Variants in PDILT observed in about 807,000 individuals in gnomAD.
The protein encoded by PDILT is protein disulfide-isomerase-like protein of the testis.
PDILT carries 43 observed loss-of-function variants against 53.7 expected under a neutral mutation model. The ratio of observed to expected loss-of-function variants is 0.80; its 90% confidence interval spans 0.63 to 1.03. PDILT has a LOEUF of 1.03. Ranked by LOEUF, PDILT falls within the 50% of genes least tolerant of loss-of-function variation. The pLI is 0.00. For missense variants in PDILT, 727 were observed against 712.3 expected (o/e 1.02, Z -0.24); for synonymous variants, 282 against 274.2 (o/e 1.03, Z -0.28).
chr16:20,385,942 C>G (rs550313792), intron 2 of PDILT: 3 of 152,184 alleles, frequency 2.0e-5, no homozygotes, highest in African/African-American at 7.2e-5. Context: ...TCTGGTGGAA[C>G]GTCCTGGAGC....
rs558417674 is a variant in PDILT at position 20,365,425 on chromosome 16, A to T, written c.1232T>A (p.Met411Lys). The T allele has an allele frequency of 5.0e-6, 8 of 1,614,002 alleles. No individual in the cohort carries two copies. Among genetic ancestry groups the T allele is most frequent in the African/African-American group, 2.7e-5 (2 of 75,058 alleles). Residue 411 changes from methionine to lysine, a missense_variant, in exon 9 of 12, where the codon ATG (methionine) becomes AAG (lysine). Met to Lys is a moderately conservative substitution (Grantham distance 95, BLOSUM62 -1). Transcript: ENST00000302451. ...CCCCTCTTGGAGATACTTACAGAACATCACAAATACGTCCTTTTCTTTGTC... is the reference window on the plus strand; with the variant it reads ...CCCCTCTTGGAGATACTTACAGAACTTCACAAATACGTCCTTTTCTTTGTC... ...VFDKEKDVFV[M>K]FYAPWSKKCK...
At chr16:20,362,872 G>C (rs1178948174) in intron 9 of PDILT, among the ~76,000 whole-genome samples, 2 of 151,940 alleles carry the variant, frequency 1.3e-5, no homozygotes, top group African/African-American at 4.8e-5. Context: ...AGGAGTTCGA[G>C]ATCAGCCTGA....
chr16:20,366,793 T>G (rs1467641134), intron 8 of PDILT, among the ~76,000 whole-genome samples: 2 of 152,126 alleles, frequency 1.3e-5, no homozygotes, highest in Admixed American at 1.3e-4. Context: ...AGCCTCCATC[T>G]CTCATCTTGA....
chr16:20,401,752 G>A (rs1043659507), intron 1 of PDILT, among the ~76,000 whole-genome samples: 3 of 152,224 alleles, frequency 2.0e-5, no homozygotes, highest in Non-Finnish European at 2.9e-5. Context: ...CTCAGCCACC[G>A]TGGAGGGCTG....
intron 2 of PDILT, among the ~76,000 whole-genome samples, chr16:20,387,769 C>T (rs1354136384): frequency 6.6e-6 from 1 of 152,014 alleles, no homozygotes; most frequent in Non-Finnish European, 1.5e-5. Context: ...TACAGGCATG[C>T]ACCACCAGGC....
chr16:20,376,301 C>T, intron 3 of PDILT, 100 bp from the exon 4 acceptor site: 2 of 1,433,060 alleles, frequency 1.4e-6, no homozygotes, highest in East Asian at 4.9e-5. Context: ...ACCTTCTTGT[C>T]TCAGGCTCCC....
chr16:20,362,626 C>A, intron 9 of PDILT, 44 bp from the exon 10 acceptor site: 1 of 1,600,560 alleles, frequency 6.2e-7, no homozygotes. Context: ...TGATGAAGAT[C>A]CAGAAAGCTG....
chr16:20,382,909 G>A (rs1966480753), intron 3 of PDILT, among the ~76,000 whole-genome samples: 1 of 152,218 alleles, frequency 6.6e-6, no homozygotes, highest in Non-Finnish European at 1.5e-5. Flanking sequence ...CACTGCCCTT[G>A]TGATGCTCTC....
intron 2 of PDILT, among the ~76,000 whole-genome samples, chr16:20,395,440 T>C (rs28649132): frequency 0.15 from 23,082 of 152,178 alleles, 2,246 homozygotes; most frequent in African/African-American, 0.27. Flanking sequence ...GCAAGAAGCA[T>C]AGCAGCCATC....
chr16:20,362,630 A>G, intron 9 of PDILT, 48 bp from the exon 10 acceptor site: 1 of 1,593,460 alleles, frequency 6.3e-7, no homozygotes, highest in Non-Finnish European at 8.6e-7. Context: ...GAAGATCCAG[A>G]AAGCTGGCGC....
chr16:20,386,127 G>A, intron 2 of PDILT: 1 of 152,364 alleles, frequency 6.6e-6, no homozygotes, highest in Non-Finnish European at 1.5e-5. Context: ...GATCTGATCT[G>A]GACGCCTTGG....
At chr16:20,386,425 A>C (rs981010665) in intron 2 of PDILT, among the ~76,000 whole-genome samples, 1 of 152,180 alleles carries the variant, frequency 6.6e-6, no homozygotes, top group Non-Finnish European at 1.5e-5. Flanking sequence ...CCCGTGGTCC[A>C]TCTGGAGCAC....
chr16:20,401,530 C>T (rs1432161674), intron 1 of PDILT, among the ~76,000 whole-genome samples: 1 of 152,210 alleles, frequency 6.6e-6, no homozygotes, highest in African/African-American at 2.4e-5. Flanking sequence ...ACCTTCCAAA[C>T]CTCCTCGGTG....
At chr16:20,401,171 G>T (rs186693916) in intron 1 of PDILT, among the ~76,000 whole-genome samples, 152 of 152,246 alleles carry the variant, frequency 1.0e-3, no homozygotes, top group Non-Finnish European at 1.7e-3. Flanking sequence ...TCAGCCAAAG[G>T]GCTCATTACT....
chr16:20,404,087 ATTG>A, intron 1 of PDILT, among the ~76,000 whole-genome samples: 1 of 152,148 alleles, frequency 6.6e-6, no homozygotes, highest in East Asian at 1.9e-4. Context: ...TGTAAATACC[ATTG>A]TTCACAGCTG....
chr16:20,377,457 A>G (rs1966403368), intron 3 of PDILT, among the ~76,000 whole-genome samples: 1 of 152,236 alleles, frequency 6.6e-6, no homozygotes, highest in South Asian at 2.1e-4. Context: ...AAGGATGAAC[A>G]GAAACAAACA....
At chr16:20,367,628 A>T (rs1285527239) in intron 8 of PDILT, among the ~76,000 whole-genome samples, 3 of 152,144 alleles carry the variant, frequency 2.0e-5, no homozygotes, top group African/African-American at 7.2e-5. Context: ...GATAGGTAGG[A>T]TTTTAGATGT....
chr16:20,388,522 G>C (rs947942310), intron 2 of PDILT, among the ~76,000 whole-genome samples: 1 of 152,192 alleles, frequency 6.6e-6, no homozygotes, highest in African/African-American at 2.4e-5. Context: ...CATTTCTTCT[G>C]TTCCAGGTGG....
In PDILT at chr16:20,374,845, C is replaced by T. The variant is rs780432251; in HGVS notation, c.658G>A (p.Asp220Asn). Residue 220 changes from aspartate (D) to asparagine (N), a missense_variant, in exon 5 of 12, where the codon GAC (aspartate) becomes AAC (asparagine). Asp to Asn is a conservative substitution (Grantham distance 23). Coordinates refer to ENST00000302451, the MANE Select transcript of PDILT (RefSeq NM_174924.2). ...NVIGRFHVTLDSVLVFKKGKI... is the reference protein window; with the variant it reads ...NVIGRFHVTLNSVLVFKKGKI... ...ACCTTTTTGAACACCAGGACGCTGTCAAGGGTGACGTGGAAACGCCCAATG... is the reference window on the plus strand; with the variant it reads ...ACCTTTTTGAACACCAGGACGCTGTTAAGGGTGACGTGGAAACGCCCAATG... 30 of 1,613,792 alleles carry T rather than the reference C, an allele frequency of 1.9e-5. No individual in the cohort carries two copies. In the African/African-American group the frequency reaches 3.2e-4, roughly 17 times the overall value.
Sources: gnomAD v4.1 joint callset for allele counts (sites outside exome capture counted in the v4.1 genomes callset) on GRCh38, gnomAD v4.1.1 for gene constraint, MANE v1.5 for transcripts, NCBI Gene and HGNC (gene_info 2026-07-23, HGNC 2026-07-21) for gene names.